DPF3: variants seen among roughly 807,000 people sequenced by gnomAD.
DPF3 encodes the protein double PHD fingers 3.
DPF3 carries 18 observed loss-of-function variants against 56.8 expected under a neutral mutation model. The observed-to-expected ratio is 0.32, with a 90% CI of 0.22 to 0.47. The LOEUF is 0.47. Among genes scored for constraint, DPF3 ranks in the 20% least tolerant of loss-of-function variants. The pLI, the probability that DPF3 is intolerant of heterozygous loss-of-function variation, is 1.00. For missense variants in DPF3, 403 were observed against 488.8 expected, an observed-to-expected ratio of 0.82 and a Z score of 1.65; for synonymous variants, 188 against 180.2, an observed-to-expected ratio of 1.04 and a Z score of -0.35.
At chr14:72,667,460 TAC>T (rs1296944467) in intron 8 of DPF3, among the ~76,000 whole-genome samples, 2 of 152,230 alleles carry the variant, frequency 1.3e-5, no homozygotes, top group East Asian at 3.8e-4. Flanking sequence ...GGTGGTACTT[TAC>T]TGAGCTGAGG....
chr14:72,841,592 G>A (rs1014753867), intron 1 of DPF3, among the ~76,000 whole-genome samples: 1 of 152,078 alleles, frequency 6.6e-6, no homozygotes, highest in Non-Finnish European at 1.5e-5. Flanking sequence ...GAAAAAAAAT[G>A]AGAAATTTTG....
chr14:72,707,304 T>C (rs1340963593), intron 6 of DPF3, among the ~76,000 whole-genome samples: 1 of 152,172 alleles, frequency 6.6e-6, no homozygotes, highest in Non-Finnish European at 1.5e-5. Context: ...CATGTGTCTT[T>C]ATAGCAGCAT....
intron 1 of DPF3, among the ~76,000 whole-genome samples, chr14:72,812,955 T>A (rs1458579704): frequency 6.6e-6 from 1 of 151,986 alleles, no homozygotes; most frequent in African/African-American, 2.4e-5. Flanking sequence ...TTGGGGGCAA[T>A]GGGAACTTGC....
intron 7 of DPF3, among the ~76,000 whole-genome samples, chr14:72,686,523 C>T (rs1248559006): frequency 1.3e-5 from 2 of 152,224 alleles, no homozygotes; most frequent in African/African-American, 2.4e-5. Context: ...CCTGGACTGA[C>T]CAACTCCACA....
chr14:72,629,607 GA>G lies in DPF3; in HGVS notation c.984+16del. The stretch of plus-strand genomic sequence containing the variant: ...TCTGTGGATTTCTCCCTCCCACAGG[GA>G]AAGCCCCAAACTCACATCATTCTCT... On this transcript the variant is annotated intron_variant, in intron 9 of 10. Coordinates refer to ENST00000556509, the MANE Select transcript of DPF3 (RefSeq NM_001280542.3). 6.5e-7 allele frequency: 1 copy of G among 1,531,652 alleles called. No homozygotes were observed. The highest frequency in any genetic ancestry group is 8.7e-7 in the Non-Finnish European group (1 of 1,142,890). 94.9% of individuals were successfully genotyped at this position (1,531,652 alleles called of 1,614,324 possible).
Position 72,612,303 on chromosome 14 carries a change from G to A in DPF3, c.*6994C>T, listed in dbSNP as rs371495183. Among the ~76,000 whole-genome samples the A allele has an allele frequency of 2.0e-5, 3 of 152,246 alleles. No individual in the cohort carries two copies. In the South Asian group the frequency reaches 6.2e-4, roughly 32 times the overall value. On this transcript the variant is annotated 3_prime_UTR_variant, in exon 11 of 11. Coordinates refer to ENST00000556509, the MANE Select transcript of DPF3 (RefSeq NM_001280542.3). ...AATGCCATGTGGACCAGACGCATTG[G>A]TGAGCCAGGGACGCCCTGCCTACCT...
At chr14:72,824,715 G>A (rs1883713304) in intron 1 of DPF3, among the ~76,000 whole-genome samples, 1 of 151,848 alleles carries the variant, frequency 6.6e-6, no homozygotes, top group Admixed American at 6.6e-5. Flanking sequence ...GGGATTACAG[G>A]CACCTGCCAT....
chr14:72,612,560 C>T lies in DPF3; in HGVS notation c.*6737G>A. The T allele has an allele frequency of 2.0e-6, 1 of 502,616 alleles. No individual in the cohort carries two copies. The highest frequency in any genetic ancestry group is 3.9e-6 in the Non-Finnish European group (1 of 256,846). The allele number at this position is 502,616 out of a possible 1,614,324, so 31.1% of individuals were successfully genotyped here. On this transcript the variant is annotated 3_prime_UTR_variant, in exon 11 of 11. Coordinates refer to ENST00000556509, the MANE Select transcript of DPF3 (RefSeq NM_001280542.3). ...CCACCTCCACCCCACTCCTTAGCAT[C>T]TATCACGGCAGAGGGAAGGGAGGAA...
chr14:72,787,033 C>G (rs953907034), intron 1 of DPF3, among the ~76,000 whole-genome samples: 2 of 152,252 alleles, frequency 1.3e-5, no homozygotes, highest in East Asian at 3.8e-4. Context: ...AGAGCGGACT[C>G]AGAGAGAGTT....
At position 72,609,993 on chromosome 14, in the gene DPF3, T is replaced by C. The variant is rs931801524; in HGVS notation, c.*9304A>G. The stretch of plus-strand genomic sequence containing the variant: ...GAGCAAAAAGGGAAACCCTCTTTCA[T>C]AGGCATTTCTCTCACTGGAGACCCA... On this transcript the variant is annotated 3_prime_UTR_variant, in exon 11 of 11. Transcript: ENST00000556509. 9.2e-5 allele frequency among the ~76,000 whole-genome samples: 14 copies of C among 152,210 alleles called. No individual in the cohort carries two copies. The highest frequency in any genetic ancestry group is 3.1e-4 in the African/African-American group (13 of 41,442).
intron 8 of DPF3, among the ~76,000 whole-genome samples, chr14:72,648,642 T>C (rs1885800822): frequency 2.0e-5 from 3 of 151,506 alleles, no homozygotes; most frequent in Admixed American, 2.0e-4. Context: ...CCCGCCTCTG[T>C]ATCCCTACGC....
intron 8 of DPF3, among the ~76,000 whole-genome samples, chr14:72,643,470 A>G (rs1205854456): frequency 6.6e-6 from 1 of 152,220 alleles, no homozygotes; most frequent in East Asian, 1.9e-4. Flanking sequence ...ATTGCTCAGG[A>G]GTGAGCCAGT....
At chr14:72,723,777 G>A (rs747503841) in intron 4 of DPF3, 49 bp from the exon 5 acceptor site, 20 of 1,510,060 alleles carry the variant, frequency 1.3e-5, no homozygotes, top group Non-Finnish European at 1.8e-5. Flanking sequence ...AATGCAAAGG[G>A]AAAAACCATC....
chr14:72,823,654 T>G (rs182066070), intron 1 of DPF3, among the ~76,000 whole-genome samples: 1 of 152,324 alleles, frequency 6.6e-6, no homozygotes, highest in East Asian at 1.9e-4. Context: ...CTTTCTTGGC[T>G]TCCTCCCACT....
chr14:72,757,411 A>G (rs1890884387), intron 2 of DPF3, among the ~76,000 whole-genome samples: 1 of 152,116 alleles, frequency 6.6e-6, no homozygotes, highest in South Asian at 2.1e-4. Context: ...TCTCCCTATA[A>G]GTTATACCAA....
intron 6 of DPF3, among the ~76,000 whole-genome samples, chr14:72,704,360 A>G (rs963905303): frequency 2.0e-5 from 3 of 152,258 alleles, no homozygotes; most frequent in Non-Finnish European, 2.9e-5. Flanking sequence ...GTCAAAAATC[A>G]GACCTGATTA....
chr14:72,828,554 T>TAAAAAAAAAAAAAAAAAAAAAA (rs1883918788), intron 1 of DPF3, among the ~76,000 whole-genome samples: 3 of 19,838 alleles, frequency 1.5e-4, no homozygotes, highest in African/African-American at 3.3e-4. Flanking sequence ...AAAAAAAAAC[T>TAAAAAAAAAAAAAAAAAAAAAA]TAATATGATT....
At chr14:72,718,882 C>T (rs1368650188) in intron 5 of DPF3, among the ~76,000 whole-genome samples, 1 of 147,990 alleles carries the variant, frequency 6.8e-6, no homozygotes, top group African/African-American at 2.5e-5. Flanking sequence ...AGTGATTCTC[C>T]GCCTCAGCCC....
intron 1 of DPF3, among the ~76,000 whole-genome samples, chr14:72,800,377 A>AATGGATAG (rs1326428990): frequency 0.1 from 1,878 of 18,080 alleles, 39 homozygotes; most frequent in South Asian, 0.34. Context: ...TAAATAGATA[A>AATGGATAG]ATGGATGGAT....
Sources: allele counts gnomAD v4.1 joint callset (sites outside exome capture counted in the v4.1 genomes callset), GRCh38; gene constraint gnomAD v4.1.1; transcripts MANE v1.5; gene names NCBI Gene and HGNC (gene_info 2026-07-23, HGNC 2026-07-21).